Variants in MYO18B observed in about 807,000 individuals in gnomAD.
MYO18B encodes unconventional myosin-XVIIIb.
Under a neutral mutation model 273.0 loss-of-function variants are expected in MYO18B, and 204 were observed. That is an observed-to-expected ratio of 0.75 (90% CI 0.67 to 0.84). The LOEUF (loss-of-function observed/expected upper bound fraction) is 0.84. Ranked by LOEUF, MYO18B falls within the 40% of genes least tolerant of loss-of-function variation. The pLI is 0.00. For missense variants in MYO18B, 3,212 were observed against 3,287.6 expected (o/e 0.98, Z 0.56); for synonymous variants, 1,330 against 1,305.7 (o/e 1.02, Z -0.40).
intron 39 of MYO18B, among the ~76,000 whole-genome samples, chr22:25,956,601 A>C (rs2092855512): frequency 1.3e-5 from 2 of 151,668 alleles, no homozygotes; most frequent in African/African-American, 4.9e-5. Flanking sequence ...TTTTCTGCAC[A>C]GGTCACAGAG....
At chr22:25,843,519 G>A (rs768658544) in intron 17 of MYO18B, among the ~76,000 whole-genome samples, 4 of 152,142 alleles carry the variant, frequency 2.6e-5, no homozygotes, top group Non-Finnish European at 5.9e-5. Flanking sequence ...GGGAAAAACA[G>A]GTGTCCTAGA....
Position 26,022,463 on chromosome 22 carries a change from G to A in MYO18B, c.6471-3982G>A, listed in dbSNP as rs531222450. On this transcript the variant is annotated intron_variant, in intron 42 of 43. Coordinates refer to ENST00000335473, the MANE Select transcript of MYO18B (RefSeq NM_032608.7). ...CTTCAGTCTCTATACAGAAAGAAGT[G>A]GATGCAAGGAACTTTATACCTTGAG... Among the ~76,000 whole-genome samples the A allele has an allele frequency of 4.6e-5, 7 of 152,226 alleles. No homozygotes were observed. The East Asian group carries it at 1.2e-3, about 25-fold the overall frequency.
chr22:26,011,421 G>T (rs1934916037), intron 42 of MYO18B, among the ~76,000 whole-genome samples: 2 of 152,158 alleles, frequency 1.3e-5, no homozygotes, highest in Non-Finnish European at 2.9e-5. Context: ...GGGAGGAGGG[G>T]TTCCCCAAAG....
chr22:25,744,965 T>G (rs1032298379), intron 1 of MYO18B, among the ~76,000 whole-genome samples: 3 of 152,116 alleles, frequency 2.0e-5, no homozygotes, highest in African/African-American at 7.2e-5. Flanking sequence ...CTGTCACGGC[T>G]GGTGTTCAGG....
At chr22:25,875,037 GGA>G (rs2091152742) in intron 23 of MYO18B, among the ~76,000 whole-genome samples, 1 of 152,228 alleles carries the variant, frequency 6.6e-6, no homozygotes, top group South Asian at 2.1e-4. Flanking sequence ...CTACTAGAAT[GGA>G]GTCTTGTTGT....
chr22:25,901,966 C>T (rs5761303), intron 29 of MYO18B, among the ~76,000 whole-genome samples: 132,006 of 151,816 alleles, frequency 0.87, 57,690 homozygotes, highest in Middle Eastern at 0.93. Flanking sequence ...GTGCATGCCA[C>T]GATGCCCAGG....
At chr22:25,796,519 C>A (rs1355217653) in intron 11 of MYO18B, among the ~76,000 whole-genome samples, 3 of 151,606 alleles carry the variant, frequency 2.0e-5, no homozygotes, top group Non-Finnish European at 2.9e-5. Flanking sequence ...TCGTTTGAGC[C>A]CAGGAGTTTG....
chr22:25,938,160 C>T (rs1029140916), intron 34 of MYO18B, among the ~76,000 whole-genome samples: 1 of 152,180 alleles, frequency 6.6e-6, no homozygotes, highest in African/African-American at 2.4e-5. Flanking sequence ...TCTAACCATT[C>T]TGCCCAAAGA....
chr22:25,997,968 CACACACACACGA>C (rs1933494276), intron 40 of MYO18B, among the ~76,000 whole-genome samples: 1 of 125,882 alleles, frequency 7.9e-6, no homozygotes, highest in Non-Finnish European at 1.8e-5. Flanking sequence ...AACACACACA[CACACACACACGA>C]GAGAGAGAGA....
chr22:25,954,348 G>A (rs2092824279), intron 38 of MYO18B, among the ~76,000 whole-genome samples: 1 of 151,872 alleles, frequency 6.6e-6, no homozygotes, highest in South Asian at 2.1e-4. Context: ...TTATAAATCA[G>A]GAAACAAAAA....
In MYO18B at chr22:25,981,725, A is replaced by C. The variant is rs576858533; in HGVS notation, c.6157-10638A>C. 2.4e-4 allele frequency among the ~76,000 whole-genome samples: 37 copies of C among 152,376 alleles called. No homozygotes were observed. The South Asian group carries it at 6.8e-3, about 28-fold the overall frequency. On this transcript the variant is annotated intron_variant, in intron 39 of 43. Transcript: ENST00000335473. The stretch of plus-strand genomic sequence containing the variant: ...GTGCCACAGCACTCCAGCCTGGGCT[A>C]CAAAGTGAGACCCTGTGTCTAAAGA...
chr22:25,831,760 C>T (rs958369708), intron 15 of MYO18B, among the ~76,000 whole-genome samples: 2 of 152,182 alleles, frequency 1.3e-5, no homozygotes, highest in African/African-American at 4.8e-5. Context: ...CTCAGCCTAG[C>T]ACTCATTAGG....
At chr22:25,761,636 G>A (rs2086322470) in intron 2 of MYO18B, among the ~76,000 whole-genome samples, 2 of 152,164 alleles carry the variant, frequency 1.3e-5, no homozygotes, top group African/African-American at 4.8e-5. Context: ...ACGCTACGAA[G>A]GGCTGCCTCT....
rs757071771 is a variant in MYO18B at position 25,876,282 on chromosome 22, C to A, written c.4174C>A (p.Gln1392Lys). ...WPWWQLLGSL[Q>K]PLLSATIGTE... ...ATGGTGGCAGCTGCTTGGTTCCCTC[C>A]AGCCTCTACTTAGTGCCACCATTGG... The change falls in exon 24 of 44, where the codon CAG (glutamine) becomes AAG (lysine). Residue 1392 changes from glutamine to lysine, a missense_variant. Physicochemically the swap from Gln to Lys is moderately conservative, Grantham distance 53. Coordinates refer to ENST00000335473, the MANE Select transcript of MYO18B (RefSeq NM_032608.7). The A allele has an allele frequency of 6.2e-7, 1 of 1,613,518 alleles. No homozygotes were observed. The highest frequency in any genetic ancestry group is 8.5e-7 in the Non-Finnish European group (1 of 1,179,708).
chr22:25,931,978 C>A (rs2092510057), intron 34 of MYO18B, among the ~76,000 whole-genome samples: 1 of 151,998 alleles, frequency 6.6e-6, no homozygotes, highest in African/African-American at 2.4e-5. Context: ...CTCAAGCGAT[C>A]CTCCAGCCTC....
intron 17 of MYO18B, among the ~76,000 whole-genome samples, chr22:25,843,108 C>T (rs2145993579): frequency 6.6e-6 from 1 of 152,258 alleles, no homozygotes; most frequent in South Asian, 2.1e-4. Flanking sequence ...ACTTACGGGG[C>T]TTGGCACCTT....
At chr22:25,921,195 A>C in intron 33 of MYO18B, 62 bp from the exon 34 acceptor site, 1 of 1,490,356 alleles carries the variant, frequency 6.7e-7, no homozygotes. Flanking sequence ...CTGATTCCGG[A>C]AAACTTAGAC....
intron 1 of MYO18B, among the ~76,000 whole-genome samples, chr22:25,744,619 A>G (rs1265822070): frequency 6.6e-6 from 1 of 152,164 alleles, no homozygotes; most frequent in Non-Finnish European, 1.5e-5. Context: ...CTGTAGTCCC[A>G]GCTACTTGGG....
chr22:26,003,005 ACTAT>A (rs372981949), intron 40 of MYO18B, among the ~76,000 whole-genome samples: 38 of 152,244 alleles, frequency 2.5e-4, no homozygotes, highest in Non-Finnish European at 4.6e-4. Context: ...CTTAATTAGC[ACTAT>A]CTATTTGCCA....
Sources: allele counts gnomAD v4.1 joint callset (sites outside exome capture counted in the v4.1 genomes callset), GRCh38; gene constraint gnomAD v4.1.1; transcripts MANE v1.5; gene names NCBI Gene and HGNC (gene_info 2026-07-23, HGNC 2026-07-21).